PEX16: variants seen among roughly 807,000 people sequenced by gnomAD.
The protein encoded by PEX16 is peroxin 16.
Under a neutral mutation model 50.5 loss-of-function variants are expected in PEX16, and 37 were observed. The ratio of observed to expected loss-of-function variants is 0.73; its 90% CI spans 0.56 to 0.96. PEX16 has a LOEUF of 0.96. Among genes scored for constraint, PEX16 ranks in the 40% least tolerant of loss-of-function variants. The probability of loss-of-function intolerance (pLI) is 0.00; values close to 1 mark genes in which losing one functional copy is unlikely to be tolerated. For synonymous variants in PEX16, 185 were observed against 190.3 expected (o/e 0.97, Z 0.23); for missense variants, 401 against 438.3 (o/e 0.91, Z 0.76).
intron 2 of PEX16, chr11:45,917,219 ACTTAGTCCAGCG>A (rs916040693): frequency 4.3e-6 from 3 of 696,508 alleles, no homozygotes; most frequent in African/African-American, 1.8e-5. Context: ...TAAGAAAGGC[ACTTAGTCCAGCG>A]CCTGGCCAGT....
chr11:45,911,875 T>C (rs2086782019), intron 9 of PEX16: 1 of 150,912 alleles, frequency 6.6e-6, no homozygotes, highest in Non-Finnish European at 1.5e-5. Context: ...AAATACAAAA[T>C]TAGCCGGGCG....
chr11:45,910,425 C>T (rs191899252), intron 10 of PEX16, 113 bp from the exon 11 acceptor site: 3 of 879,290 alleles, frequency 3.4e-6, no homozygotes, highest in East Asian at 2.5e-5. Context: ...GCTGTCTTGC[C>T]CTGCCCCCAG....
intron 7 of PEX16, 38 bp downstream of exon 7, chr11:45,914,278 C>T (rs763683831): frequency 1.2e-6 from 2 of 1,613,732 alleles, no homozygotes; most frequent in South Asian, 2.2e-5. Context: ...ATCCCCAGCC[C>T]ACAGTGCCAG....
Position 45,913,869 on chromosome 11 carries a change from G to A in PEX16, c.837C>T (p.Ile279=). The A allele has an allele frequency of 2.5e-6, 4 of 1,613,362 alleles. No homozygotes were observed. Among genetic ancestry groups the A allele is most frequent in the African/African-American group, 1.3e-5 (1 of 75,062 alleles). ...RERRELRRRT[I]LLLYYLLRSP... is the part of the protein sequence containing the mutation. ...AGCGCAGCAGGTAGTAGAGCAGCAG[G>A]ATGGTCCGGCGCCGCAGCTCCCGCC... Residue 279 remains isoleucine, a synonymous_variant, in exon 9 of 11, where the codon ATC becomes ATT. Coordinates refer to ENST00000378750, the MANE Select transcript of PEX16 (RefSeq NM_004813.4).
In PEX16 at chr11:45,914,403, G is replaced by T. The variant is rs747599205; in HGVS notation, c.607C>A (p.His203Asn). Residue 203 changes from histidine to asparagine, a missense_variant, in exon 7 of 11, where the codon CAC (histidine) becomes AAC (asparagine). By Grantham distance (68) the His-to-Asn change is moderately conservative. Transcript: ENST00000378750. ...QQREGRQQQH[H>N]EELSATPTPL... Reference sequence around the variant, plus strand: ...GTGGGGGTCGCACTCAGCTCCTCGTGATGCTGCTGCTGCCGTCCCTCCCGC... The same window carrying T: ...GTGGGGGTCGCACTCAGCTCCTCGTTATGCTGCTGCTGCCGTCCCTCCCGC... The T allele has an allele frequency of 1.9e-6, 3 of 1,609,538 alleles. No individual in the cohort carries two copies. Among genetic ancestry groups the T allele is most frequent in the Non-Finnish European group, 1.7e-6 (2 of 1,180,012 alleles).
chr11:45,914,004 C>G, intron 8 of PEX16, 66 bp from the exon 9 acceptor site: 1 of 1,605,226 alleles, frequency 6.2e-7, no homozygotes. Context: ...GGGGAGGAGC[C>G]ATGGGCTGGG....
At chr11:45,916,184 T>C in intron 3 of PEX16, 43 bp downstream of exon 3, 1 of 1,421,880 alleles carries the variant, frequency 7.0e-7, no homozygotes, top group Non-Finnish European at 1.0e-6. Context: ...ATTTCATTCC[T>C]GAGTCCCCAT....
At position 45,914,796 on chromosome 11, in the gene PEX16, G is replaced by C. The variant is rs529144950; in HGVS notation, c.461-112C>G. 1.2e-4 allele frequency: 109 copies of C among 911,502 alleles called. No individual in the cohort carries two copies. The African/African-American group carries it at 1.7e-3, about 14-fold the overall frequency. The allele number at this position is 911,502 out of a possible 1,614,324, so 56.5% of individuals were successfully genotyped here. A position where few individuals can be genotyped will look rare whatever the true frequency, so the allele number is the denominator to read the frequency against. On this transcript the variant is annotated intron_variant, in intron 5 of 10. Transcript: ENST00000378750. ...AGCTAAGGGGAGAACAGATGAGCTT[G>C]TACTATGGCAACAGCTGAGTCAAGG...
intron 1 of PEX16, 38 bp downstream of exon 1, chr11:45,917,662 A>G (rs2086852277): frequency 2.0e-6 from 3 of 1,508,814 alleles, no homozygotes; most frequent in Non-Finnish European, 2.7e-6. Context: ...GTCATAGGTC[A>G]GGGCCCAGAA....
chr11:45,915,385 T>C (rs1347541457), intron 5 of PEX16, 83 bp downstream of exon 5: 2 of 991,912 alleles, frequency 2.0e-6, no homozygotes, highest in Non-Finnish European at 3.3e-6. Context: ...AAACAGATAC[T>C]ACTGTATTCA....
rs1257293830 is a variant in PEX16 at position 45,917,847 on chromosome 11, G to A, written c.-36C>T. 5 of 1,429,324 alleles carry A rather than the reference G, an allele frequency of 3.5e-6. No individual in the cohort carries two copies. The East Asian group carries it at 9.9e-5, about 28-fold the overall frequency. 88.5% of individuals were successfully genotyped at this position (1,429,324 alleles called of 1,614,324 possible). A position where few individuals can be genotyped will look rare whatever the true frequency, so the allele number is the denominator to read the frequency against. The stretch of plus-strand genomic sequence containing the variant: ...GCACCGACAGACCCACAGAAGGACC[G>A]TACGACAGGCTGCGGCGCCCTGCTT... On this transcript the variant is annotated 5_prime_UTR_variant, in exon 1 of 11. In the 5' UTR this introduces an upstream ATG that the reference lacks. Transcript: ENST00000378750.
Position 45,909,697 on chromosome 11 carries a change from C to G in PEX16, c.*557G>C, listed in dbSNP as rs770223341. 6.3e-4 allele frequency: 176 copies of G among 280,888 alleles called. 2 individuals carry two copies. The highest frequency in any genetic ancestry group is 1.2e-3 in the Middle Eastern group (1 of 844). 17.4% of individuals were successfully genotyped at this position (280,888 alleles called of 1,614,324 possible). A position where few individuals can be genotyped will look rare whatever the true frequency, so the allele number is the denominator to read the frequency against. ...GGGAGAAAAGCCTTTTACTCTCAAC[C>G]GAGGATGCAGGGCTTAAAGTGCCAC... is the stretch of plus-strand genomic sequence containing the variant. On this transcript the variant is annotated 3_prime_UTR_variant, in exon 11 of 11. Transcript: ENST00000378750.
intron 9 of PEX16, chr11:45,912,008 G>A (rs2086783875): frequency 6.6e-6 from 1 of 152,138 alleles, no homozygotes; most frequent in Admixed American, 6.6e-5. Flanking sequence ...TGGGCAACGT[G>A]AGTGAAACTC....
At chr11:45,918,366 C>G (rs538099923), upstream of PEX16, 24 of 179,898 alleles carry the variant, frequency 1.3e-4, no homozygotes, top group African/African-American at 5.7e-4. Context: ...TCAGCAGGCG[C>G]GCGTTCGGCC....
intron 9 of PEX16, among the ~76,000 whole-genome samples, chr11:45,912,815 T>C (rs888747731): frequency 6.6e-6 from 1 of 151,708 alleles, no homozygotes; most frequent in Non-Finnish European, 1.5e-5. Flanking sequence ...CTATGCCAGT[T>C]TTGTTTTTTT....
rs1244911578 is a variant in PEX16, at chr11:45,914,452, G to C, written c.558C>G (p.Ser186=). Residue 186 remains serine, a synonymous_variant, in exon 7 of 11, where the codon TCC becomes TCG. Transcript: ENST00000378750. ...RTLQNTPSLH[S]RHWGAPQQRE... ...GCTGCTGGGGAGCTCCCCAGTGCCTGGAGTGCAGGGACGGCGCTAGAACAC... is the reference window on the plus strand; with the variant it reads ...GCTGCTGGGGAGCTCCCCAGTGCCTCGAGTGCAGGGACGGCGCTAGAACAC... 3 of 1,608,304 alleles carry C rather than the reference G, an allele frequency of 1.9e-6. No homozygotes were observed. The highest frequency in any genetic ancestry group is 3.3e-5 in the Admixed American group (2 of 60,014).
chr11:45,916,356 T>A, intron 2 of PEX16, 53 bp from the exon 3 acceptor site: 1 of 1,366,842 alleles, frequency 7.3e-7, no homozygotes, highest in Non-Finnish European at 1.0e-6. Flanking sequence ...TCCATCCCTC[T>A]CACCTTCTCC....
chr11:45,916,805 G>A (rs1325911748), intron 2 of PEX16, among the ~76,000 whole-genome samples: 1 of 152,194 alleles, frequency 6.6e-6, no homozygotes, highest in East Asian at 1.9e-4. Context: ...AAGTAGCTGG[G>A]ACTACAGGCA....
At chr11:45,918,108 G>C (rs940796480), upstream of PEX16, 20 of 496,322 alleles carry the variant, frequency 4.0e-5, no homozygotes, top group African/African-American at 3.7e-4. Context: ...TCAGCACCCA[G>C]CTCTTCCGTT....
Sources: gnomAD v4.1 joint callset for allele counts (sites outside exome capture counted in the v4.1 genomes callset) on GRCh38, gnomAD v4.1.1 for gene constraint, MANE v1.5 for transcripts, NCBI Gene and HGNC (gene_info 2026-07-23, HGNC 2026-07-21) for gene names.